The following NPTN variants were observed in gnomAD, a reference collection of about 807,000 sequenced individuals.
NPTN encodes SDR-1.
NPTN carries 5 observed loss-of-function variants against 42.7 expected under a neutral mutation model. The observed-to-expected ratio is 0.12, with a 90% confidence interval of 0.06 to 0.25. NPTN has a LOEUF of 0.25. Among genes scored for constraint, NPTN ranks in the 10% least tolerant of loss-of-function variants. The pLI is 1.00. For synonymous variants in NPTN, 180 were observed against 201.9 expected, an observed-to-expected ratio of 0.89 and a Z score of 0.92; for missense variants, 307 against 525.4, an observed-to-expected ratio of 0.58 and a Z score of 4.06.
At chr15:73,580,936 T>C (rs2141378455) in intron 4 of NPTN, among the ~76,000 whole-genome samples, 1 of 152,174 alleles carries the variant, frequency 6.6e-6, no homozygotes, top group Admixed American at 6.5e-5. Flanking sequence ...TTTAGTATTG[T>C]AAAATAAGAG....
At chr15:73,603,783 T>C (rs1159654148) in intron 1 of NPTN, among the ~76,000 whole-genome samples, 2 of 152,220 alleles carry the variant, frequency 1.3e-5, no homozygotes, top group Admixed American at 6.5e-5. Flanking sequence ...TTACAAAATA[T>C]AAGATGTAGT....
chr15:73,611,726 CCCTAAACTCAAAGT>C (rs1310636291), intron 1 of NPTN, among the ~76,000 whole-genome samples: 1 of 152,010 alleles, frequency 6.6e-6, no homozygotes, highest in Non-Finnish European at 1.5e-5. Context: ...CAAGAATGAA[CCCTAAACTCAAAGT>C]CCTAAACTGT....
At chr15:73,602,042 A>T (rs1897105499) in intron 1 of NPTN, among the ~76,000 whole-genome samples, 1 of 152,190 alleles carries the variant, frequency 6.6e-6, no homozygotes, top group Non-Finnish European at 1.5e-5. Flanking sequence ...GGTGAGAAGA[A>T]AAAGGAAACA....
chr15:73,585,004 A>G (rs1251470165), intron 4 of NPTN, among the ~76,000 whole-genome samples: 1 of 152,180 alleles, frequency 6.6e-6, no homozygotes, highest in Admixed American at 6.5e-5. Context: ...AATCTGACAG[A>G]TAATGCCCAG....
At chr15:73,583,961 T>C (rs1031149148) in intron 4 of NPTN, among the ~76,000 whole-genome samples, 4 of 152,108 alleles carry the variant, frequency 2.6e-5, no homozygotes, top group African/African-American at 9.7e-5. Flanking sequence ...GAATAGGAAA[T>C]AGGAAGGCAG....
chr15:73,572,434 T>A (rs1426798351), intron 5 of NPTN, among the ~76,000 whole-genome samples: 1 of 152,166 alleles, frequency 6.6e-6, no homozygotes, highest in East Asian at 1.9e-4. Context: ...ACATCATGAA[T>A]CATCCCACTG....
chr15:73,627,678 C>A (rs1220485490), intron 1 of NPTN, among the ~76,000 whole-genome samples: 2 of 152,162 alleles, frequency 1.3e-5, no homozygotes, highest in African/African-American at 4.8e-5. Context: ...TGCCTTTGTA[C>A]ATACACAAAA....
At chr15:73,611,726 C>T (rs116067905) in intron 1 of NPTN, among the ~76,000 whole-genome samples, 2,021 of 152,126 alleles carry the variant, frequency 0.013, 53 homozygotes, top group African/African-American at 0.046. Flanking sequence ...CAAGAATGAA[C>T]CCTAAACTCA....
chr15:73,618,274 A>C (rs567372372), intron 1 of NPTN, among the ~76,000 whole-genome samples: 2 of 152,346 alleles, frequency 1.3e-5, no homozygotes, highest in East Asian at 3.9e-4. Flanking sequence ...AAGAGTTAAA[A>C]AAAATATATG....
At chr15:73,612,923 G>A (rs752488200) in intron 1 of NPTN, among the ~76,000 whole-genome samples, 40 of 152,162 alleles carry the variant, frequency 2.6e-4, no homozygotes, top group Non-Finnish European at 3.7e-4. Context: ...AAATGCCCAG[G>A]AGAATAAATT....
intron 1 of NPTN, among the ~76,000 whole-genome samples, chr15:73,622,233 A>G (rs1367100684): frequency 2.0e-5 from 3 of 152,032 alleles, no homozygotes; most frequent in Non-Finnish European, 4.4e-5. Flanking sequence ...CCACTTTCTG[A>G]CTCTCTAAAT....
intron 1 of NPTN, among the ~76,000 whole-genome samples, chr15:73,628,759 ATAAT>A (rs1215143294): frequency 6.6e-6 from 1 of 152,018 alleles, no homozygotes; most frequent in Non-Finnish European, 1.5e-5. Flanking sequence ...TTTAATTTAA[ATAAT>A]TATTTTTATT....
chr15:73,603,980 ACTACT>A, intron 1 of NPTN, among the ~76,000 whole-genome samples: 1 of 152,196 alleles, frequency 6.6e-6, no homozygotes, highest in Admixed American at 6.5e-5. Context: ...AGTTCTGTAA[ACTACT>A]CTATGCAAAT....
At chr15:73,595,291 T>C (rs551575720) in intron 2 of NPTN, among the ~76,000 whole-genome samples, 1 of 152,218 alleles carries the variant, frequency 6.6e-6, no homozygotes, top group East Asian at 1.9e-4. Context: ...TCTGCTTTTA[T>C]AAGGAAAGGA....
chr15:73,573,568 C>T (rs917748988), intron 5 of NPTN, 94 bp downstream of exon 5: 10 of 1,383,254 alleles, frequency 7.2e-6, no homozygotes, highest in South Asian at 1.6e-5. Flanking sequence ...TGCACACATC[C>T]GAGGATACAG....
At chr15:73,573,369 T>C (rs1366705286) in intron 5 of NPTN, among the ~76,000 whole-genome samples, 3 of 152,158 alleles carry the variant, frequency 2.0e-5, no homozygotes, top group African/African-American at 7.2e-5. Flanking sequence ...TTTTTCTTTA[T>C]AAATTACCCA....
chr15:73,569,011 A>G lies in NPTN; in HGVS notation c.1114+1139T>C. Reference sequence around the variant, plus strand: ...TGTCACTTTGTATTCTCCACTGGACAGCCAGCTCTGTGGGGCAGGATACAG... The same window carrying G: ...TGTCACTTTGTATTCTCCACTGGACGGCCAGCTCTGTGGGGCAGGATACAG... On this transcript the variant is annotated intron_variant, in intron 6 of 8. Coordinates refer to ENST00000345330, the MANE Select transcript of NPTN (RefSeq NM_012428.4). The surrounding 1 kb of genome is among the most constrained non-coding windows in gnomAD (Gnocchi z 4.1). 1 of 985,570 alleles carries G rather than the reference A, an allele frequency of 1.0e-6. No homozygotes were observed. Among genetic ancestry groups the G allele is most frequent in the Non-Finnish European group, 1.2e-6 (1 of 830,038 alleles). The allele number at this position is 985,570 out of a possible 1,614,324, so 61.1% of individuals were successfully genotyped here.
chr15:73,610,470 C>CATTCCTGGGTT (rs1897523940), intron 1 of NPTN, among the ~76,000 whole-genome samples: 2 of 152,106 alleles, frequency 1.3e-5, no homozygotes, highest in Non-Finnish European at 2.9e-5. Flanking sequence ...TTTAAATTAC[C>CATTCCTGGGTT]ATTCCTGGGT....
At chr15:73,618,779 TG>T (rs1566989155) in intron 1 of NPTN, among the ~76,000 whole-genome samples, 1 of 152,134 alleles carries the variant, frequency 6.6e-6, no homozygotes, top group African/African-American at 2.4e-5. Flanking sequence ...GAGGCTGCAG[TG>T]GGCTGTGGTC....
Sources: gnomAD v4.1 joint callset for allele counts (sites outside exome capture counted in the v4.1 genomes callset) on GRCh38, gnomAD v4.1.1 for gene constraint, Gnocchi (gnomAD v3.1) non-coding constraint, MANE v1.5 for transcripts, NCBI Gene and HGNC (gene_info 2026-07-23, HGNC 2026-07-21) for gene names.